The following STK26 variants were observed in gnomAD, a reference collection of about 807,000 sequenced individuals.
The protein encoded by STK26 is serine/threonine-protein kinase 26.
A neutral mutation model predicts 34.7 loss-of-function variants in STK26; 14 were observed. The ratio of observed to expected loss-of-function variants is 0.40; its 90% CI spans 0.27 to 0.63. STK26 has a LOEUF of 0.63. Ranked by LOEUF, STK26 falls within the 30% of genes least tolerant of loss-of-function variation. STK26 has a pLI of 0.38. For synonymous variants in STK26, 100 were observed against 109.8 expected, an observed-to-expected ratio of 0.91 and a Z score of 0.56; for missense variants, 226 against 309.1, an observed-to-expected ratio of 0.73 and a Z score of 2.02.
chrX:132,072,765 G>A, intron 9 of STK26, 48 bp from the exon 10 acceptor site: 3 of 1,128,589 alleles, frequency 2.7e-6, no homozygotes, highest in East Asian at 3.0e-5. Context: ...AGAAAATCAT[G>A]ACACTTATTT....
intron 2 of STK26, among the ~76,000 whole-genome samples, chrX:132,024,852 G>T (rs1935064685): frequency 2.8e-5 from 3 of 106,133 alleles, no homozygotes. Flanking sequence ...TAGAACTCTT[G>T]GTGTGTCCTA....
At chrX:132,037,963 A>T (rs749026052) in intron 2 of STK26, among the ~76,000 whole-genome samples, 5 of 109,026 alleles carry the variant, frequency 4.6e-5, no homozygotes, top group African/African-American at 1.7e-4. Flanking sequence ...GTCTTTTTGG[A>T]CTGTGATTTC....
At chrX:132,050,691 C>A (rs766310550) in intron 2 of STK26, among the ~76,000 whole-genome samples, 1 of 112,087 alleles carries the variant, frequency 8.9e-6, no homozygotes, top group Non-Finnish European at 1.9e-5. Context: ...TTGCAGACTT[C>A]ATTTTTAAAA....
At chrX:132,066,605 T>C (rs1363065375) in intron 4 of STK26, among the ~76,000 whole-genome samples, 2 of 112,271 alleles carry the variant, frequency 1.8e-5, no homozygotes, top group African/African-American at 6.5e-5. Flanking sequence ...CATCCTCCTC[T>C]AGCACCCAGT....
intron 2 of STK26, among the ~76,000 whole-genome samples, chrX:132,044,243 TAGAA>T (rs1049574111): frequency 9.0e-6 from 1 of 110,975 alleles, no homozygotes; most frequent in Non-Finnish European, 1.9e-5. Flanking sequence ...CTATTGAAAA[TAGAA>T]AGTCATGGCA....
chrX:132,044,764 T>G (rs866960465), intron 2 of STK26, among the ~76,000 whole-genome samples: 7 of 55,159 alleles, frequency 1.3e-4, no homozygotes, highest in African/African-American at 2.4e-4. Flanking sequence ...TTTATATATA[T>G]ATAGAGAGAT....
chrX:132,035,616 C>A (rs1214323647), intron 2 of STK26, among the ~76,000 whole-genome samples: 2 of 109,457 alleles, frequency 1.8e-5, no homozygotes, highest in Admixed American at 9.7e-5. Context: ...CTCATTAATG[C>A]TTTTATCTTC....
At chrX:132,054,949 T>C in intron 3 of STK26, 88 bp downstream of exon 3, 1 of 843,046 alleles carries the variant, frequency 1.2e-6, no homozygotes, top group Admixed American at 3.5e-5. Flanking sequence ...ATGTCTTAAA[T>C]TAGGATTTGG....
intron 6 of STK26, 25 bp from the exon 7 acceptor site, chrX:132,069,453 T>A (rs756525913): frequency 3.6e-4 from 109 of 304,096 alleles, no homozygotes; most frequent in South Asian, 7.6e-4. Context: ...ATATATATAT[T>A]ATTTTCTTTT....
At chrX:132,066,495 C>T (rs1927228341) in intron 4 of STK26, among the ~76,000 whole-genome samples, 1 of 111,488 alleles carries the variant, frequency 9.0e-6, no homozygotes, top group Non-Finnish European at 1.9e-5. Flanking sequence ...AGTACACTGC[C>T]CTGGGACAGA....
At chrX:132,039,083 G>A (rs1418003108) in intron 2 of STK26, among the ~76,000 whole-genome samples, 1 of 111,099 alleles carries the variant, frequency 9.0e-6, no homozygotes, top group African/African-American at 3.3e-5. Flanking sequence ...CCAGGATAGA[G>A]ACAGTTCTCT....
At chrX:132,032,395 T>C (rs971007672) in intron 2 of STK26, among the ~76,000 whole-genome samples, 5 of 112,231 alleles carry the variant, frequency 4.5e-5, no homozygotes, top group African/African-American at 1.6e-4. Flanking sequence ...TTTCTCTTTT[T>C]TGGTCAAGCA....
Position 132,044,713 on chromosome X carries a change from A to C in STK26, c.43-9918A>C, listed in dbSNP as rs1410377977. On this transcript the variant is annotated intron_variant, in intron 2 of 11. Transcript: ENST00000394334. ...TAGAGAGAGAGAGAGAGAGAGATCTATATATATATTTATATATATATAGAG... is the reference window on the plus strand; with the variant it reads ...TAGAGAGAGAGAGAGAGAGAGATCTCTATATATATTTATATATATATAGAG... Among the ~76,000 whole-genome samples, 6 of 63,824 alleles carry C rather than the reference A, an allele frequency of 9.4e-5. 1 individual carries two copies. Among genetic ancestry groups the C allele is most frequent in the Admixed American group, 1.6e-4 (1 of 6,379 alleles). 55.4% of individuals were successfully genotyped at this position (63,824 alleles called of 115,157 possible). A position where few individuals can be genotyped will look rare whatever the true frequency, so the allele number is the denominator to read the frequency against.
chrX:132,056,329 T>A (rs185939520), intron 3 of STK26, among the ~76,000 whole-genome samples: 17 of 111,993 alleles, frequency 1.5e-4, no homozygotes, highest in Non-Finnish European at 3.0e-4. Context: ...TGTAGGACAG[T>A]GTGAGAGCAA....
At chrX:132,034,978 G>A (rs183994024) in intron 2 of STK26, among the ~76,000 whole-genome samples, 1 of 111,104 alleles carries the variant, frequency 9.0e-6, no homozygotes, top group Non-Finnish European at 1.9e-5. Flanking sequence ...GACTTTAACA[G>A]ACATTGGCGA....
chrX:132,024,234 T>C (rs1935048966), intron 2 of STK26, among the ~76,000 whole-genome samples: 1 of 111,317 alleles, frequency 9.0e-6, no homozygotes, highest in Non-Finnish European at 1.9e-5. Flanking sequence ...CAGCCCATAG[T>C]GTGGCGTGAG....
At chrX:132,029,363 A>G (rs185175405) in intron 2 of STK26, among the ~76,000 whole-genome samples, 2 of 112,037 alleles carry the variant, frequency 1.8e-5, no homozygotes, top group African/African-American at 6.5e-5. Context: ...CTTTGCCTCA[A>G]TGAGAGGTTA....
chrX:132,069,725 G>T, intron 7 of STK26, 62 bp downstream of exon 7: 1 of 808,542 alleles, frequency 1.2e-6, no homozygotes, highest in Non-Finnish European at 1.6e-6. Context: ...TATAGCAAAG[G>T]CAGCTTTTCC....
chrX:132,058,934 CAT>C (rs201439876), intron 3 of STK26, among the ~76,000 whole-genome samples: 10,068 of 110,228 alleles, frequency 0.091, 499 homozygotes, highest in Middle Eastern at 0.15. Context: ...TGTCTTGAGA[CAT>C]ATGTATATAC....
Sources: allele counts gnomAD v4.1 joint callset (sites outside exome capture counted in the v4.1 genomes callset), GRCh38; gene constraint gnomAD v4.1.1; transcripts MANE v1.5; gene names NCBI Gene and HGNC (gene_info 2026-07-23, HGNC 2026-07-21).